Variants in ATG7 observed in about 807,000 individuals in gnomAD.
The protein encoded by ATG7 is ubiquitin-like modifier-activating enzyme ATG7.
A neutral mutation model predicts 82.4 loss-of-function variants in ATG7; 70 were observed. That is an observed-to-expected ratio of 0.85 (90% CI 0.70 to 1.04). The LOEUF is 1.04. Among genes scored for constraint, ATG7 ranks in the 50% least tolerant of loss-of-function variants. The pLI is 0.00. For missense variants in ATG7, 792 were observed against 864.3 expected (o/e 0.92, Z 1.05); for synonymous variants, 287 against 313.0 (o/e 0.92, Z 0.88).
At chr3:11,442,275 T>C (rs2084052451) in intron 20 of ATG7, among the ~76,000 whole-genome samples, 1 of 152,086 alleles carries the variant, frequency 6.6e-6, no homozygotes, top group Non-Finnish European at 1.5e-5. Context: ...GAAGAGAAGG[T>C]GTTCACTCCT....
At chr3:11,347,054 A>T (rs988498439) in intron 13 of ATG7, among the ~76,000 whole-genome samples, 1 of 152,238 alleles carries the variant, frequency 6.6e-6, no homozygotes, top group Admixed American at 6.5e-5. Context: ...ATGCTTACTT[A>T]TGATCTACTA....
At chr3:11,504,589 G>A (rs2091575069) in intron 20 of ATG7, among the ~76,000 whole-genome samples, 1 of 152,234 alleles carries the variant, frequency 6.6e-6, no homozygotes, top group Non-Finnish European at 1.5e-5. Context: ...AGGGCTCTAG[G>A]ACAGATTGTG....
intron 20 of ATG7, among the ~76,000 whole-genome samples, chr3:11,550,349 G>A (rs937123462): frequency 9.9e-5 from 15 of 151,714 alleles, no homozygotes; most frequent in African/African-American, 2.7e-4. Flanking sequence ...AGAACTGGCC[G>A]TGTCTTTGTC....
intron 20 of ATG7, among the ~76,000 whole-genome samples, chr3:11,440,909 C>G (rs1259698367): frequency 6.6e-6 from 1 of 151,780 alleles, no homozygotes; most frequent in Non-Finnish European, 1.5e-5. Context: ...GTCTCAAACT[C>G]CTGACCTCAG....
At chr3:11,484,806 T>G (rs531834055) in intron 20 of ATG7, among the ~76,000 whole-genome samples, 1 of 152,278 alleles carries the variant, frequency 6.6e-6, no homozygotes, top group South Asian at 2.1e-4. Context: ...TGGTTTTTTG[T>G]TCTTGCGATA....
At chr3:11,417,300 C>T (rs1449256833) in intron 19 of ATG7, among the ~76,000 whole-genome samples, 4 of 152,246 alleles carry the variant, frequency 2.6e-5, no homozygotes, top group South Asian at 2.1e-4. Context: ...AAAGTAGATT[C>T]GTCTATTTCT....
At chr3:11,293,267 C>T (rs558839819) in intron 3 of ATG7, among the ~76,000 whole-genome samples, 3 of 152,078 alleles carry the variant, frequency 2.0e-5, no homozygotes, top group South Asian at 2.1e-4. Context: ...TGGTGGCTCA[C>T]GCCTGTAATC....
intron 20 of ATG7, among the ~76,000 whole-genome samples, chr3:11,466,500 T>C: frequency 6.6e-6 from 1 of 152,282 alleles, no homozygotes; most frequent in East Asian, 1.9e-4. Context: ...GGGAGAAAAA[T>C]GTAACTCCTT....
chr3:11,492,186 C>T (rs536225944), intron 20 of ATG7, among the ~76,000 whole-genome samples: 11 of 152,290 alleles, frequency 7.2e-5, no homozygotes, highest in South Asian at 4.1e-4. Flanking sequence ...TAAAGCCCAT[C>T]GGAAAGGCGC....
the ATG7 span, among the ~76,000 whole-genome samples, chr3:11,563,661 C>T: frequency 2.6e-5 from 4 of 152,208 alleles, no homozygotes; most frequent in African/African-American, 7.2e-5. Context: ...GACACATCAG[C>T]GATCTCTCCT....
At chr3:11,473,881 T>C (rs908199131) in intron 20 of ATG7, among the ~76,000 whole-genome samples, 2 of 152,216 alleles carry the variant, frequency 1.3e-5, no homozygotes, top group Admixed American at 6.5e-5. Context: ...CCCCAAAACA[T>C]CAGCGAGCCC....
At chr3:11,307,398 C>T (rs1478093496) in intron 6 of ATG7, among the ~76,000 whole-genome samples, 1 of 152,226 alleles carries the variant, frequency 6.6e-6, no homozygotes, top group Non-Finnish European at 1.5e-5. Context: ...CTGAATGCCT[C>T]TAGGCACTCT....
downstream of ATG7, chr3:11,558,882 G>A (rs2072690638): frequency 3.2e-6 from 5 of 1,584,352 alleles, no homozygotes; most frequent in African/African-American, 1.3e-5. Flanking sequence ...AGACAGACAG[G>A]CACGGTTGCA....
At chr3:11,405,812 G>A (rs868134588) in intron 19 of ATG7, among the ~76,000 whole-genome samples, 1 of 151,686 alleles carries the variant, frequency 6.6e-6, no homozygotes, top group Non-Finnish European at 1.5e-5. Context: ...TAGAGATGGG[G>A]TTTCGCTGTG....
intron 19 of ATG7, among the ~76,000 whole-genome samples, chr3:11,382,425 C>G (rs2077977918): frequency 6.6e-6 from 1 of 152,196 alleles, no homozygotes; most frequent in Admixed American, 6.5e-5. Flanking sequence ...CCTATGTGAT[C>G]TTAGGTTGGC....
intron 17 of ATG7, among the ~76,000 whole-genome samples, chr3:11,364,205 A>G (rs1228904576): frequency 6.6e-6 from 1 of 152,210 alleles, no homozygotes; most frequent in Non-Finnish European, 1.5e-5. Context: ...CATTTATATC[A>G]GCTCAAGAAG....
In ATG7 at chr3:11,509,891, T is replaced by A. The variant is rs1017030708; in HGVS notation, c.2080-44920T>A. ...GCGCTCCATACTTATTTACTGGGTC[T>A]TGTGATTCAGCCCAGGATCCTGATA... On this transcript the variant is annotated intron_variant, in intron 20 of 20. Transcript: ENST00000693202. Among the ~76,000 whole-genome samples the A allele has an allele frequency of 2.0e-5, 3 of 152,208 alleles. No homozygotes were observed. In the South Asian group the frequency reaches 6.2e-4, roughly 32 times the overall value.
Position 11,551,161 on chromosome 3 carries a change from C to G in ATG7, c.2080-3650C>G, listed in dbSNP as rs377156364. ...ATGGTCTTCTCGTTTCTGTACTCGT[C>G]GTGTCCTGCGGGCCGTCTGAGTGTT... On this transcript the variant is annotated intron_variant, in intron 20 of 20. Transcript: ENST00000693202. Among the ~76,000 whole-genome samples the G allele has an allele frequency of 2.6e-5, 4 of 152,288 alleles. No individual in the cohort carries two copies. In the South Asian group the frequency reaches 6.2e-4, roughly 24 times the overall value.
chr3:11,480,330 G>A (rs1289392385), intron 20 of ATG7, among the ~76,000 whole-genome samples: 2 of 152,110 alleles, frequency 1.3e-5, no homozygotes, highest in Non-Finnish European at 2.9e-5. Context: ...AGGCCAGAAG[G>A]AGTTCAAGAC....
Sources: allele counts gnomAD v4.1 joint callset (sites outside exome capture counted in the v4.1 genomes callset), GRCh38; gene constraint gnomAD v4.1.1; transcripts MANE v1.5; gene names NCBI Gene and HGNC (gene_info 2026-07-23, HGNC 2026-07-21).